Variants in PPP6R2 observed in about 807,000 individuals in gnomAD.
The protein encoded by PPP6R2 is protein phosphatase 6 regulatory subunit 2, also known as serine/threonine-protein phosphatase 6 regulatory subunit 2.
A neutral mutation model predicts 100.2 loss-of-function variants in PPP6R2; 62 were observed. The observed-to-expected ratio is 0.62, with a 90% CI of 0.50 to 0.76. PPP6R2 has a LOEUF of 0.76. Ranked by LOEUF, PPP6R2 falls within the 30% of genes least tolerant of loss-of-function variation. PPP6R2 has a pLI of 0.00. For synonymous variants in PPP6R2, 525 were observed against 514.7 expected (o/e 1.02, Z -0.27); for missense variants, 1,142 against 1,276.3 (o/e 0.89, Z 1.60).
intron 2 of PPP6R2, among the ~76,000 whole-genome samples, chr22:50,384,470 G>A (rs979329720): frequency 2.0e-5 from 3 of 152,074 alleles, no homozygotes; most frequent in Non-Finnish European, 4.4e-5. Flanking sequence ...CAGGAGAATC[G>A]CTTGAACTTG....
At chr22:50,354,484 T>C (rs182301080) in intron 1 of PPP6R2, among the ~76,000 whole-genome samples, 21 of 152,132 alleles carry the variant, frequency 1.4e-4, no homozygotes, top group African/African-American at 4.8e-4. Flanking sequence ...CTTTTTTTAT[T>C]TTTATTTTTT....
Position 50,437,026 on chromosome 22 carries a change from G to C in PPP6R2, c.1641G>C (p.Glu547Asp). The change falls in exon 15 of 24, where the codon GAG becomes GAC. Residue 547 changes from glutamate (E) to aspartate (D), a missense_variant. Transcript: ENST00000612753. ...THHLHSSSED[E>D]DIEGAFPNEL... ...ACCTTCACTCCTCAAGTGAGGACGA[G>C]GACATTGAGGGTGCTTTCCCTAACG... 4 of 1,563,056 alleles carry C rather than the reference G, an allele frequency of 2.6e-6. No individual in the cohort carries two copies. Among genetic ancestry groups the C allele is most frequent in the Non-Finnish European group, 3.5e-6 (4 of 1,153,886 alleles).
chr22:50,417,297 C>T (rs1260440029), intron 6 of PPP6R2, among the ~76,000 whole-genome samples: 1 of 152,124 alleles, frequency 6.6e-6, no homozygotes, highest in African/African-American at 2.4e-5. Context: ...GCTTTCCCCT[C>T]ACTCTTAATG....
chr22:50,333,340 T>TC, the PPP6R2 span, among the ~76,000 whole-genome samples: 1 of 140,242 alleles, frequency 7.1e-6, no homozygotes, highest in Non-Finnish European at 1.6e-5. Flanking sequence ...GTTCTTTTTC[T>TC]TTTTTTTTTT....
chr22:50,442,758 T>C (rs1051173095), intron 22 of PPP6R2, among the ~76,000 whole-genome samples: 5 of 151,830 alleles, frequency 3.3e-5, no homozygotes, highest in Non-Finnish European at 7.4e-5. Flanking sequence ...TTCACTGTGT[T>C]AGCCAGTATG....
At chr22:50,395,729 T>A (rs2056651831) in intron 3 of PPP6R2, among the ~76,000 whole-genome samples, 1 of 151,936 alleles carries the variant, frequency 6.6e-6, no homozygotes, top group Non-Finnish European at 1.5e-5. Flanking sequence ...CCCGGCTAAT[T>A]TATTTTTGTA....
intron 19 of PPP6R2, 89 bp downstream of exon 19, chr22:50,438,851 G>A (rs1462802749): frequency 3.0e-5 from 40 of 1,344,138 alleles, no homozygotes; most frequent in Admixed American, 2.1e-4. Flanking sequence ...TTCATTTGGA[G>A]CTGAGGCATT....
chr22:50,409,660 T>C (rs907355531), intron 4 of PPP6R2, among the ~76,000 whole-genome samples: 2 of 152,210 alleles, frequency 1.3e-5, no homozygotes, highest in African/African-American at 4.8e-5. Context: ...TCTCTTGACC[T>C]CGTGATCCGC....
intron 10 of PPP6R2, among the ~76,000 whole-genome samples, chr22:50,430,913 A>G (rs1365877550): frequency 6.6e-6 from 1 of 151,886 alleles, no homozygotes; most frequent in Non-Finnish European, 1.5e-5. Context: ...CAGAAAGTAG[A>G]AAGGTGATGA....
Position 50,444,201 on chromosome 22 carries a change from A to G in PPP6R2, c.2834A>G (p.Lys945Arg), listed in dbSNP as rs370674634. The change falls in exon 24 of 24, where the codon AAG (lysine) becomes AGG (arginine). Residue 945 changes from lysine (K) to arginine (R), a missense_variant and splice_region_variant. Coordinates refer to ENST00000612753, the MANE Select transcript of PPP6R2 (RefSeq NM_001242898.2). Reference sequence around the variant, plus strand: ...CCAACCCCACCCCATTCCTGCAGGAAGACAGATGCCCCGCCAGAAGGAGCT... The same window carrying G: ...CCAACCCCACCCCATTCCTGCAGGAGGACAGATGCCCCGCCAGAAGGAGCT... ...ATLGTVTKDG[K>R]TDAPPEGAAL... 5.6e-6 allele frequency: 9 copies of G among 1,612,992 alleles called. No homozygotes were observed. The highest frequency in any genetic ancestry group is 4.4e-5 in the South Asian group (4 of 91,048).
At chr22:50,362,766 G>T (rs954778826) in intron 1 of PPP6R2, among the ~76,000 whole-genome samples, 4 of 152,216 alleles carry the variant, frequency 2.6e-5, no homozygotes, top group Non-Finnish European at 5.9e-5. Flanking sequence ...CCTCCCTGCT[G>T]TGAGGACACA....
At chr22:50,419,301 TG>T in intron 7 of PPP6R2, 47 bp from the exon 8 acceptor site, 1 of 1,499,746 alleles carries the variant, frequency 6.7e-7, no homozygotes, top group Non-Finnish European at 9.3e-7. Flanking sequence ...GCATCCTTTG[TG>T]TGTGTGTCTG....
rs754548124 is a variant in PPP6R2 at position 50,440,809 on chromosome 22, T to G, written c.2375-13T>G. 8.1e-6 allele frequency: 13 copies of G among 1,612,588 alleles called. No homozygotes were observed. The highest frequency in any genetic ancestry group is 1.1e-5 in the Non-Finnish European group (13 of 1,179,970). On this transcript the variant is annotated splice_polypyrimidine_tract_variant and intron_variant, in intron 21 of 23. Coordinates refer to ENST00000612753, the MANE Select transcript of PPP6R2 (RefSeq NM_001242898.2). ...CCTGCCTCACTGGACAGCACAGGCC[T>G]CCTACTTTGCAGTCAGCCCGGCTTC...
chr22:50,374,175 C>T lies in PPP6R2; in HGVS notation c.-17+2025C>T, dbSNP rs79125300. 5.0e-3 allele frequency among the ~76,000 whole-genome samples: 757 copies of T among 152,278 alleles called. 5 individuals are homozygous for T. Among genetic ancestry groups the T allele is most frequent in the Middle Eastern group, 0.044 (13 of 294 alleles). ...CCGAGATTATAGGTGTGAGTTACCACGCTTGGCCAAATATAATTTCTGTGA... is the reference window on the plus strand; with the variant it reads ...CCGAGATTATAGGTGTGAGTTACCATGCTTGGCCAAATATAATTTCTGTGA... On this transcript the variant is annotated intron_variant, in intron 2 of 23. Coordinates refer to ENST00000612753, the MANE Select transcript of PPP6R2 (RefSeq NM_001242898.2).
chr22:50,337,480 GTC>G, the PPP6R2 span, among the ~76,000 whole-genome samples: 5 of 127,800 alleles, frequency 3.9e-5, no homozygotes, highest in South Asian at 1.0e-3. Context: ...TGTAGTGTTT[GTC>G]TGCGATGTGT....
chr22:50,413,907 T>C (rs756254619), intron 4 of PPP6R2, among the ~76,000 whole-genome samples: 6 of 152,206 alleles, frequency 3.9e-5, no homozygotes, highest in Non-Finnish European at 5.9e-5. Flanking sequence ...GAGCCCAGCC[T>C]TCACTTCTCC....
At chr22:50,407,741 G>A (rs2059172144) in intron 4 of PPP6R2, among the ~76,000 whole-genome samples, 1 of 152,156 alleles carries the variant, frequency 6.6e-6, no homozygotes, top group South Asian at 2.1e-4. Flanking sequence ...AGAGAGGCGT[G>A]GTGGTCCCTG....
intron 2 of PPP6R2, among the ~76,000 whole-genome samples, chr22:50,381,261 C>T (rs936224292): frequency 9.0e-6 from 1 of 110,940 alleles, no homozygotes; most frequent in Admixed American, 8.5e-5. Context: ...CAGCATCACA[C>T]GGGCCTCACC....
Position 50,435,098 on chromosome 22 carries a change from G to C in PPP6R2, c.1516+17G>C, listed in dbSNP as rs774631279. Reference sequence around the variant, plus strand: ...TCATCCGAGGTGAGCCCCCAACCCGGTCATCCTTCTGCTGGTCGCGGGCAC... The same window carrying C: ...TCATCCGAGGTGAGCCCCCAACCCGCTCATCCTTCTGCTGGTCGCGGGCAC... On this transcript the variant is annotated intron_variant, in intron 13 of 23. Coordinates refer to ENST00000612753, the MANE Select transcript of PPP6R2 (RefSeq NM_001242898.2). 2 of 1,513,946 alleles carry C rather than the reference G, an allele frequency of 1.3e-6. No homozygotes were observed. Among genetic ancestry groups the C allele is most frequent in the African/African-American group, 1.4e-5 (1 of 71,878 alleles). The allele number at this position is 1,513,946 out of a possible 1,614,324, so 93.8% of individuals were successfully genotyped here.
Sources: gnomAD v4.1 joint callset for allele counts (sites outside exome capture counted in the v4.1 genomes callset) on GRCh38, gnomAD v4.1.1 for gene constraint, MANE v1.5 for transcripts, NCBI Gene and HGNC (gene_info 2026-07-23, HGNC 2026-07-21) for gene names.